The following COPS9 variants were observed in gnomAD, a reference collection of about 807,000 sequenced individuals.
The protein encoded by COPS9 is COP9 signalosome subunit 9.
In COPS9, 8 loss-of-function variants were observed where a neutral mutation model predicts 7.2. The ratio of observed to expected loss-of-function variants is 1.11; its 90% CI spans 0.65 to 2.00. COPS9 has a LOEUF of 2.00. COPS9 is among the 30% of genes most tolerant of loss of function. The probability of loss-of-function intolerance (pLI) is 0.00; values close to 1 mark genes in which losing one functional copy is unlikely to be tolerated. For missense variants in COPS9, 74 were observed against 77.7 expected (o/e 0.95, Z 0.18); for synonymous variants, 39 against 28.7 (o/e 1.36, Z -1.14).
rs952978871 is a variant in COPS9 at position 240,132,256 on chromosome 2, C to A, written c.137-1168G>T. On this transcript the variant is annotated intron_variant, in intron 2 of 2. Coordinates refer to ENST00000607357, the MANE Select transcript of COPS9 (RefSeq NM_001163424.2). The surrounding 1 kb of genome is among the most constrained non-coding windows in gnomAD (Gnocchi z 4.1). ...CATGGCGAGGGAAGAGAGAGTGTCTCTTTCGTGGCTAGAACCCTGGTGCCC... is the reference window on the plus strand; with the variant it reads ...CATGGCGAGGGAAGAGAGAGTGTCTATTTCGTGGCTAGAACCCTGGTGCCC... 2.0e-5 allele frequency among the ~76,000 whole-genome samples: 3 copies of A among 152,218 alleles called. No homozygotes were observed. The highest frequency in any genetic ancestry group is 7.2e-5 in the African/African-American group (3 of 41,456).
downstream of COPS9, among the ~76,000 whole-genome samples, chr2:240,127,141 T>C (rs2071874279): frequency 6.6e-6 from 1 of 152,128 alleles, no homozygotes; most frequent in Admixed American, 6.5e-5. Context: ...CTAGTAATAA[T>C]TAACGGCGAA....
downstream of COPS9, among the ~76,000 whole-genome samples, chr2:240,127,468 T>C (rs1027418065): frequency 9.2e-5 from 14 of 152,114 alleles, no homozygotes; most frequent in African/African-American, 3.4e-4. Flanking sequence ...CATCGGGCCA[T>C]GTCTGCTCAC....
downstream of COPS9, among the ~76,000 whole-genome samples, chr2:240,129,612 T>C (rs1574946055): frequency 6.6e-6 from 1 of 152,232 alleles, no homozygotes; most frequent in South Asian, 2.1e-4. Context: ...GAAGGGGAAC[T>C]GCAGGGTAAC....
chr2:240,129,929 C>A (rs1220176852), downstream of COPS9: 9 of 1,613,892 alleles, frequency 5.6e-6, no homozygotes, highest in Admixed American at 8.3e-5. Flanking sequence ...ACACCACAGG[C>A]CGCTCTGCTG....
rs957993390 is a variant in COPS9 at position 240,130,959 on chromosome 2, G to C, written c.*92C>G. ...GGTCCTAAATTCAAGGGATTTCCAC[G>C]TGTTCTTTAAAACCACCTGAAACTG... On this transcript the variant is annotated 3_prime_UTR_variant, in exon 3 of 3. Coordinates refer to ENST00000607357, the MANE Select transcript of COPS9 (RefSeq NM_001163424.2). 6.5e-7 allele frequency: 1 copy of C among 1,537,002 alleles called. No homozygotes were observed. The highest frequency in any genetic ancestry group is 1.4e-5 in the African/African-American group (1 of 72,772).
At chr2:240,128,605 G>A (rs1227998560), downstream of COPS9, among the ~76,000 whole-genome samples, 1 of 152,122 alleles carries the variant, frequency 6.6e-6, no homozygotes, top group African/African-American at 2.4e-5. Context: ...CGGTATAGAG[G>A]TCTCTGTGAT....
intron 1 of COPS9, among the ~76,000 whole-genome samples, chr2:240,134,807 G>A (rs989644234): frequency 3.5e-4 from 53 of 152,068 alleles, no homozygotes; most frequent in African/African-American, 1.2e-3. Context: ...TAAGCCACGC[G>A]CATTCTACCA....
chr2:240,126,975 C>T (rs763971599), downstream of COPS9: 11 of 1,599,044 alleles, frequency 6.9e-6, no homozygotes, highest in East Asian at 1.3e-4. Flanking sequence ...GACACTAGAA[C>T]GAGGTCTGGT....
chr2:240,129,867 C>G (rs199914908), downstream of COPS9: 80 of 1,534,422 alleles, frequency 5.2e-5, no homozygotes, highest in Admixed American at 6.1e-4. Context: ...GCAGCCTCAA[C>G]GTGCGGCCCA....
intron 1 of COPS9, 45 bp downstream of exon 1, chr2:240,136,177 T>C (rs2071989230): frequency 4.6e-6 from 6 of 1,298,920 alleles, no homozygotes; most frequent in Non-Finnish European, 6.0e-6. Context: ...CCGCTCCCCC[T>C]TCCCCGCTCC....
chr2:240,133,922 A>G lies in COPS9; in HGVS notation c.136+11T>C. 6.2e-7 allele frequency: 1 copy of G among 1,613,622 alleles called. No individual in the cohort carries two copies. The highest frequency in any genetic ancestry group is 1.1e-5 in the South Asian group (1 of 91,004). On this transcript the variant is annotated intron_variant, in intron 2 of 2. Coordinates refer to ENST00000607357, the MANE Select transcript of COPS9 (RefSeq NM_001163424.2). The stretch of plus-strand genomic sequence containing the variant: ...AGATTAAATCTGGCATCCCATTCCA[A>G]GCATCCTTACCGTTAAAAAAGTCTG...
At position 240,135,936 on chromosome 2, in the gene COPS9, G is replaced by A. The variant is rs970531578; in HGVS notation, c.63+286C>T. ...AAACGCAACTCCTCTGACCACGGGTGTGTTCCCGGGGGCCGTGGGGGCACC... is the reference window on the plus strand; with the variant it reads ...AAACGCAACTCCTCTGACCACGGGTATGTTCCCGGGGGCCGTGGGGGCACC... On this transcript the variant is annotated intron_variant, in intron 1 of 2. Coordinates refer to ENST00000607357, the MANE Select transcript of COPS9 (RefSeq NM_001163424.2). 36 of 472,924 alleles carry A rather than the reference G, an allele frequency of 7.6e-5. No homozygotes were observed. The Admixed American group carries it at 1.3e-3, about 17-fold the overall frequency. The allele number at this position is 472,924 out of a possible 1,614,324, so 29.3% of individuals were successfully genotyped here.
downstream of COPS9, among the ~76,000 whole-genome samples, chr2:240,128,318 G>A (rs1370869038): frequency 6.6e-6 from 1 of 152,236 alleles, no homozygotes; most frequent in Non-Finnish European, 1.5e-5. Context: ...ACAGGAAGTA[G>A]TTGAGTCCAG....
At chr2:240,136,131 C>T (rs962123459) in intron 1 of COPS9, 91 bp downstream of exon 1, 2 of 1,361,446 alleles carry the variant, frequency 1.5e-6, no homozygotes, top group Non-Finnish European at 1.9e-6. Context: ...GCCCGGCCTC[C>T]CCTCCCCGGG....
intron 1 of COPS9, among the ~76,000 whole-genome samples, chr2:240,135,274 AT>A (rs2071964485): frequency 6.6e-6 from 1 of 152,086 alleles, no homozygotes; most frequent in African/African-American, 2.4e-5. Flanking sequence ...GCAAACACCA[AT>A]GTGTCCCCCA....
intron 1 of COPS9, among the ~76,000 whole-genome samples, chr2:240,135,322 T>C (rs546958753): frequency 1.3e-5 from 2 of 152,212 alleles, no homozygotes; most frequent in Non-Finnish European, 2.9e-5. Flanking sequence ...AGCTGTACCT[T>C]TGCTGAGCCC....
downstream of COPS9, among the ~76,000 whole-genome samples, chr2:240,128,359 T>G (rs1331059392): frequency 6.6e-6 from 1 of 152,164 alleles, no homozygotes; most frequent in African/African-American, 2.4e-5. Flanking sequence ...CAGCTGTCCT[T>G]CTGTGAGCCT....
intron 2 of COPS9, among the ~76,000 whole-genome samples, chr2:240,131,702 G>A (rs1284528368): frequency 1.3e-5 from 2 of 152,218 alleles, no homozygotes; most frequent in African/African-American, 4.8e-5. Context: ...CCCCAGGAAA[G>A]ATTTTGTCCT....
chr2:240,136,346 A>G, upstream of COPS9: 1 of 1,505,970 alleles, frequency 6.6e-7, no homozygotes, highest in African/African-American at 1.4e-5. Flanking sequence ...CGCGCGCCAC[A>G]TGGCAGATCT....
Sources: allele counts gnomAD v4.1 joint callset (sites outside exome capture counted in the v4.1 genomes callset), GRCh38; gene constraint gnomAD v4.1.1; non-coding constraint Gnocchi (gnomAD v3.1); transcripts MANE v1.5; gene names NCBI Gene and HGNC (gene_info 2026-07-23, HGNC 2026-07-21).